Variants in NEGR1 observed in about 807,000 individuals in gnomAD.
NEGR1 encodes neuronal growth regulator 1.
NEGR1 carries 10 observed loss-of-function variants against 40.9 expected under a neutral mutation model. The observed-to-expected ratio is 0.24, with a 90% CI of 0.15 to 0.42. NEGR1 has a LOEUF of 0.42. Among genes scored for constraint, NEGR1 ranks in the 10% least tolerant of loss-of-function variants. The pLI, the probability that NEGR1 is intolerant of heterozygous loss-of-function variation, is 1.00. For synonymous variants in NEGR1, 185 were observed against 166.8 expected, an observed-to-expected ratio of 1.11 and a Z score of -0.84; for missense variants, 352 against 438.9, an observed-to-expected ratio of 0.80 and a Z score of 1.77.
At chr1:71,564,512 A>G (rs1435188388) in intron 6 of NEGR1, among the ~76,000 whole-genome samples, 1 of 152,100 alleles carries the variant, frequency 6.6e-6, no homozygotes, top group East Asian at 1.9e-4. Context: ...ATTTTTTAAA[A>G]GTCAAAACCC....
In NEGR1 at chr1:71,553,686, C is replaced by G. The variant is rs1648159134; in HGVS notation, c.940+39131G>C. ...GAATTAAACACAGATAATTTCACAT[C>G]TGTTTGTGCATAATTTTAAAAAATT... On this transcript the variant is annotated intron_variant, in intron 6 of 6. Coordinates refer to ENST00000357731, the MANE Select transcript of NEGR1 (RefSeq NM_173808.3). Among the ~76,000 whole-genome samples the G allele has an allele frequency of 2.0e-5, 3 of 151,514 alleles. No individual in the cohort carries two copies. The South Asian group carries it at 6.2e-4, about 31-fold the overall frequency.
intron 2 of NEGR1, among the ~76,000 whole-genome samples, chr1:71,898,927 CA>C (rs1233278964): frequency 2.9e-4 from 26 of 88,558 alleles, no homozygotes; most frequent in African/African-American, 9.7e-4. Context: ...TATATATTTG[CA>C]AATATATATA....
intron 1 of NEGR1, among the ~76,000 whole-genome samples, chr1:71,967,843 G>A (rs139394976): frequency 3.0e-4 from 45 of 152,254 alleles, no homozygotes; most frequent in Middle Eastern, 3.4e-3. Context: ...GACTGGAGGG[G>A]AAGTGGTTGC....
At chr1:71,733,428 T>A (rs1654950146) in intron 3 of NEGR1, among the ~76,000 whole-genome samples, 1 of 152,166 alleles carries the variant, frequency 6.6e-6, no homozygotes, top group Non-Finnish European at 1.5e-5. Context: ...CTCTTAGAAT[T>A]TTAGTCTGTA....
At chr1:71,868,872 T>C (rs1260372280) in intron 2 of NEGR1, among the ~76,000 whole-genome samples, 2 of 151,924 alleles carry the variant, frequency 1.3e-5, no homozygotes, top group Non-Finnish European at 2.9e-5. Flanking sequence ...CACTTTCCCC[T>C]CAAATACGCC....
At chr1:72,248,785 G>A (rs1654993243) in intron 1 of NEGR1, among the ~76,000 whole-genome samples, 2 of 151,740 alleles carry the variant, frequency 1.3e-5, no homozygotes, top group South Asian at 4.2e-4. Flanking sequence ...GTTTCGCCAT[G>A]TTGGCCAGGC....
chr1:71,747,595 C>T (rs991854857), intron 3 of NEGR1, among the ~76,000 whole-genome samples: 4 of 151,910 alleles, frequency 2.6e-5, no homozygotes, highest in African/African-American at 9.7e-5. Flanking sequence ...CTGCTAATTT[C>T]TGTACTTTTT....
At chr1:71,786,307 T>C (rs1206623195) in intron 2 of NEGR1, among the ~76,000 whole-genome samples, 2 of 152,160 alleles carry the variant, frequency 1.3e-5, no homozygotes, top group Non-Finnish European at 2.9e-5. Context: ...ATATAGATCC[T>C]AGAAATTTCC....
chr1:71,883,680 C>T (rs1660644872), intron 2 of NEGR1, among the ~76,000 whole-genome samples: 1 of 151,636 alleles, frequency 6.6e-6, no homozygotes, highest in African/African-American at 2.4e-5. Context: ...CACCCATTAA[C>T]TCATCATTTA....
intron 6 of NEGR1, among the ~76,000 whole-genome samples, chr1:71,459,321 A>T (rs1646698045): frequency 6.6e-6 from 1 of 152,202 alleles, no homozygotes; most frequent in African/African-American, 2.4e-5. Flanking sequence ...TAATGTCTCA[A>T]ATGGTTCACT....
At chr1:71,900,717 G>C (rs1661121081) in intron 2 of NEGR1, among the ~76,000 whole-genome samples, 1 of 152,156 alleles carries the variant, frequency 6.6e-6, no homozygotes, top group African/African-American at 2.4e-5. Context: ...AATGATAGAT[G>C]CTAGAAATGG....
chr1:71,751,533 T>G lies in NEGR1; in HGVS notation c.535+24639A>C, dbSNP rs181826267. ...CAAACAGAGACCTTACTGATTTTAT[T>G]TGACAACTTTTTTTCTCCCACTGTT... On this transcript the variant is annotated intron_variant, in intron 3 of 6. Transcript: ENST00000357731. Among the ~76,000 whole-genome samples the G allele has an allele frequency of 9.8e-5, 15 of 152,312 alleles. No homozygotes were observed. The East Asian group carries it at 2.3e-3, about 24-fold the overall frequency.
intron 3 of NEGR1, among the ~76,000 whole-genome samples, chr1:71,751,584 T>C (rs1307812639): frequency 6.6e-6 from 1 of 152,162 alleles, no homozygotes; most frequent in East Asian, 1.9e-4. Context: ...CTCTACCCAT[T>C]GGATGTTAGT....
At chr1:71,907,702 T>G (rs1459032219) in intron 2 of NEGR1, among the ~76,000 whole-genome samples, 1 of 152,156 alleles carries the variant, frequency 6.6e-6, no homozygotes, top group African/African-American at 2.4e-5. Context: ...CATGAAGTTG[T>G]ACGTTCATTG....
intron 4 of NEGR1, among the ~76,000 whole-genome samples, chr1:71,684,912 C>A (rs1435445992): frequency 3.9e-5 from 6 of 152,288 alleles, no homozygotes; most frequent in East Asian, 1.9e-4. Context: ...AAAAAAATAT[C>A]TTTTAACCTG....
chr1:72,060,096 T>C (rs1277556100), intron 1 of NEGR1, among the ~76,000 whole-genome samples: 1 of 151,724 alleles, frequency 6.6e-6, no homozygotes, highest in Non-Finnish European at 1.5e-5. Context: ...TTCATATTCA[T>C]GAAGTGGCAA....
chr1:71,559,019 GTATATA>G (rs1553150124), intron 6 of NEGR1, among the ~76,000 whole-genome samples: 51 of 114,090 alleles, frequency 4.5e-4, no homozygotes, highest in African/African-American at 6.1e-4. Flanking sequence ...CTGTGTGTGT[GTATATA>G]TATATATATA....
intron 6 of NEGR1, among the ~76,000 whole-genome samples, chr1:71,556,762 C>T (rs6680901): frequency 4.6e-5 from 7 of 151,168 alleles, no homozygotes; most frequent in South Asian, 2.1e-4. Context: ...CAAAATAAAC[C>T]GTGGCTGGGA....
chr1:71,782,013 T>G (rs1656735084), intron 2 of NEGR1, among the ~76,000 whole-genome samples: 1 of 152,146 alleles, frequency 6.6e-6, no homozygotes, highest in Admixed American at 6.5e-5. Context: ...TCTTAAAAAA[T>G]TGTATCACTG....
Sources: gnomAD v4.1 joint callset for allele counts (sites outside exome capture counted in the v4.1 genomes callset) on GRCh38, gnomAD v4.1.1 for gene constraint, MANE v1.5 for transcripts, NCBI Gene and HGNC (gene_info 2026-07-23, HGNC 2026-07-21) for gene names.